Variants in ARMH3 observed in about 807,000 individuals in gnomAD.
ARMH3 encodes armadillo-like helical domain-containing protein 3.
Under a neutral mutation model 99.1 loss-of-function variants are expected in ARMH3, and 60 were observed. The ratio of observed to expected loss-of-function variants is 0.61; its 90% CI spans 0.49 to 0.75. The LOEUF (loss-of-function observed/expected upper bound fraction) is 0.75, where lower values mean the gene tolerates loss of function less well. ARMH3 is among the 30% of genes least tolerant of loss of function. ARMH3 has a pLI of 0.00. For synonymous variants in ARMH3, 285 were observed against 292.8 expected (o/e 0.97, Z 0.27); for missense variants, 679 against 843.1 (o/e 0.81, Z 2.41).
intron 24 of ARMH3, among the ~76,000 whole-genome samples, chr10:101,887,592 C>CTTTTTT (rs34624064): frequency 3.8e-4 from 37 of 96,878 alleles, no homozygotes; most frequent in Non-Finnish European, 5.8e-4. Context: ...CTCTCTCTCT[C>CTTTTTT]TTTTTTTTTT....
rs2066771512 is a variant in ARMH3, at chr10:102,017,333, A to T, written c.670-3309T>A. On this transcript the variant is annotated intron_variant, in intron 8 of 25. Coordinates refer to ENST00000370033, the MANE Select transcript of ARMH3 (RefSeq NM_024541.3). ...TAGGCCCACCAGCTCGCCCTTGCCC[A>T]CTACATTAATTCTTCTGGGGGCTTC... 2.0e-5 allele frequency among the ~76,000 whole-genome samples: 3 copies of T among 152,180 alleles called. No homozygotes were observed. In the South Asian group the frequency reaches 6.2e-4, roughly 31 times the overall value.
At chr10:101,912,678 C>T (rs1842919329) in intron 23 of ARMH3, among the ~76,000 whole-genome samples, 1 of 152,152 alleles carries the variant, frequency 6.6e-6, no homozygotes, top group Admixed American at 6.5e-5. Context: ...TGCCTGATTG[C>T]ACTGTTTAGA....
At chr10:101,906,488 A>G (rs2135522706) in intron 23 of ARMH3, among the ~76,000 whole-genome samples, 1 of 152,376 alleles carries the variant, frequency 6.6e-6, no homozygotes, top group South Asian at 2.1e-4. Flanking sequence ...CTCTTATAAC[A>G]TGAGAGATTA....
intron 24 of ARMH3, among the ~76,000 whole-genome samples, chr10:101,866,226 G>GA (rs756660383): frequency 1.6e-3 from 192 of 122,004 alleles, no homozygotes; most frequent in Non-Finnish European, 1.6e-3. Context: ...CATCTCAGAA[G>GA]AAAAAAAAAA....
At position 101,907,454 on chromosome 10, in the gene ARMH3, C is replaced by T. The variant is rs543275201; in HGVS notation, c.1782-17964G>A. Among the ~76,000 whole-genome samples the T allele has an allele frequency of 3.3e-5, 5 of 151,648 alleles. No individual in the cohort carries two copies. The East Asian group carries it at 9.7e-4, about 29-fold the overall frequency. On this transcript the variant is annotated intron_variant, in intron 23 of 25. Coordinates refer to ENST00000370033, the MANE Select transcript of ARMH3 (RefSeq NM_024541.3). ...CTGGAGTGCAGTGGTGCAATCTCAGCTCACTGCAACCTCCGCCGCCTGGGT... is the reference window on the plus strand; with the variant it reads ...CTGGAGTGCAGTGGTGCAATCTCAGTTCACTGCAACCTCCGCCGCCTGGGT...
intron 19 of ARMH3, among the ~76,000 whole-genome samples, chr10:101,988,704 C>T (rs1203625398): frequency 6.6e-6 from 1 of 152,134 alleles, no homozygotes; most frequent in African/African-American, 2.4e-5. Flanking sequence ...AGGCAGATCA[C>T]CTAAGGTCAG....
intron 22 of ARMH3, among the ~76,000 whole-genome samples, chr10:101,953,300 T>C (rs758056099): frequency 2.0e-4 from 30 of 152,170 alleles, no homozygotes; most frequent in Non-Finnish European, 4.0e-4. Flanking sequence ...TAGATAAATT[T>C]TTGTATCTTT....
At chr10:101,938,175 G>A (rs1844074954) in intron 23 of ARMH3, among the ~76,000 whole-genome samples, 1 of 152,172 alleles carries the variant, frequency 6.6e-6, no homozygotes, top group African/African-American at 2.4e-5. Flanking sequence ...GTCCATGACT[G>A]GATCTTTTTG....
chr10:101,943,258 A>G (rs1209816867), intron 22 of ARMH3, among the ~76,000 whole-genome samples: 1 of 152,198 alleles, frequency 6.6e-6, no homozygotes, highest in Non-Finnish European at 1.5e-5. Context: ...ATGCATATGG[A>G]AGAAGAAACT....
At chr10:101,947,017 G>A (rs915035789) in intron 22 of ARMH3, among the ~76,000 whole-genome samples, 5 of 151,726 alleles carry the variant, frequency 3.3e-5, no homozygotes, top group African/African-American at 4.8e-5. Context: ...GTGAAACCCC[G>A]TCTCTACTAA....
chr10:101,963,541 C>T (rs1380236952), intron 20 of ARMH3, among the ~76,000 whole-genome samples: 3 of 152,108 alleles, frequency 2.0e-5, no homozygotes, highest in East Asian at 1.9e-4. Context: ...AAAGTGCTGA[C>T]ATTACAGGCA....
chr10:102,012,570 T>A (rs1422448332), intron 10 of ARMH3, among the ~76,000 whole-genome samples: 6 of 152,224 alleles, frequency 3.9e-5, no homozygotes, highest in Non-Finnish European at 8.8e-5. Flanking sequence ...TAAAATGCTC[T>A]GTAATAAAAT....
chr10:101,916,991 C>T (rs1021373279), intron 23 of ARMH3, among the ~76,000 whole-genome samples: 4 of 152,218 alleles, frequency 2.6e-5, no homozygotes, highest in Non-Finnish European at 5.9e-5. Context: ...TGGAAGCCTA[C>T]AGCATCAGCT....
At chr10:101,890,197 A>G (rs1170451490) in intron 23 of ARMH3, among the ~76,000 whole-genome samples, 1 of 151,330 alleles carries the variant, frequency 6.6e-6, no homozygotes, top group Non-Finnish European at 1.5e-5. Context: ...AATATAAATG[A>G]TTCATAGAGA....
At chr10:101,889,339 C>G in intron 24 of ARMH3, 73 bp downstream of exon 24, 1 of 1,368,730 alleles carries the variant, frequency 7.3e-7, no homozygotes, top group South Asian at 1.2e-5. Flanking sequence ...ACAGAATCCC[C>G]CTGCCATCAG....
chr10:101,920,230 G>A (rs1843252584), intron 23 of ARMH3, among the ~76,000 whole-genome samples: 2 of 152,206 alleles, frequency 1.3e-5, no homozygotes, highest in Admixed American at 1.3e-4. Flanking sequence ...TAAGGATGAA[G>A]TGATGCTCAA....
At chr10:101,968,094 GCAGACAA>G (rs1269791789) in intron 20 of ARMH3, among the ~76,000 whole-genome samples, 12 of 150,518 alleles carry the variant, frequency 8.0e-5, no homozygotes, top group African/African-American at 2.9e-4. Context: ...CCATTTTCTT[GCAGACAA>G]TGCAAACCTC....
At chr10:101,910,760 G>A (rs1233856942) in intron 23 of ARMH3, among the ~76,000 whole-genome samples, 3 of 149,876 alleles carry the variant, frequency 2.0e-5, no homozygotes, top group Non-Finnish European at 4.4e-5. Context: ...ACAACTCAAG[G>A]TGTAATACAA....
chr10:102,050,830 C>A (rs12775477), intron 1 of ARMH3, among the ~76,000 whole-genome samples: 1 of 148,010 alleles, frequency 6.8e-6, no homozygotes, highest in South Asian at 2.2e-4. Context: ...GCACTCCAGC[C>A]TGGGTGACAG....
Sources: gnomAD v4.1 joint callset for allele counts (sites outside exome capture counted in the v4.1 genomes callset) on GRCh38, gnomAD v4.1.1 for gene constraint, MANE v1.5 for transcripts, NCBI Gene and HGNC (gene_info 2026-07-23, HGNC 2026-07-21) for gene names.